The following GALM variants were observed in gnomAD, a reference collection of about 807,000 sequenced individuals.
GALM encodes aldose 1-epimerase.
Under a neutral mutation model 37.4 loss-of-function variants are expected in GALM, and 43 were observed. The observed-to-expected ratio is 1.15, with a 90% CI of 0.90 to 1.48. GALM has a LOEUF of 1.48. Among genes scored for constraint, GALM ranks in the 40% most tolerant of loss-of-function variants. GALM has a pLI of 0.00. For synonymous variants in GALM, 199 were observed against 170.6 expected, an observed-to-expected ratio of 1.17 and a Z score of -1.30; for missense variants, 456 against 419.1, an observed-to-expected ratio of 1.09 and a Z score of -0.77.
intron 1 of GALM, among the ~76,000 whole-genome samples, chr2:38,674,690 TAAG>T (rs1326592088): frequency 6.6e-6 from 1 of 152,070 alleles, no homozygotes; most frequent in East Asian, 1.9e-4. Context: ...TTTAAAAAAA[TAAG>T]AAGAGAAAGA....
chr2:38,692,456 G>C (rs750443990), intron 4 of GALM, among the ~76,000 whole-genome samples: 21 of 152,120 alleles, frequency 1.4e-4, no homozygotes, highest in Non-Finnish European at 2.4e-4. Context: ...TCCCTATGTT[G>C]CCTAGGCTGG....
chr2:38,680,120 G>A (rs931785678), intron 2 of GALM: 6 of 448,432 alleles, frequency 1.3e-5, no homozygotes, highest in African/African-American at 8.1e-5. Context: ...CTGGGCTCAA[G>A]CGATCCTCCC....
At chr2:38,671,610 C>A (rs976392060) in intron 1 of GALM, among the ~76,000 whole-genome samples, 3 of 152,138 alleles carry the variant, frequency 2.0e-5, no homozygotes, top group Admixed American at 6.6e-5. Context: ...AAAGCCAAAG[C>A]GTATCAGTAA....
At chr2:38,728,797 G>A (rs1377245982) in intron 4 of GALM, among the ~76,000 whole-genome samples, 1 of 152,148 alleles carries the variant, frequency 6.6e-6, no homozygotes, top group African/African-American at 2.4e-5. Flanking sequence ...GAGTGATTTG[G>A]CCTGCTACAG....
At chr2:38,714,018 T>TAA (rs549158028) in intron 4 of GALM, among the ~76,000 whole-genome samples, 75 of 149,416 alleles carry the variant, frequency 5.0e-4, no homozygotes, top group South Asian at 1.9e-3. Flanking sequence ...GACAACTAAA[T>TAA]AAAAAAAAAA....
chr2:38,670,465 C>G (rs13420732), intron 1 of GALM, among the ~76,000 whole-genome samples: 3,422 of 152,250 alleles, frequency 0.022, 113 homozygotes, highest in African/African-American at 0.078. Flanking sequence ...TCGCTCACGC[C>G]CAGGAGCACC....
At chr2:38,679,360 C>A (rs538395972) in intron 2 of GALM, among the ~76,000 whole-genome samples, 5 of 151,986 alleles carry the variant, frequency 3.3e-5, no homozygotes, top group African/African-American at 1.2e-4. Flanking sequence ...CCCCACCGCC[C>A]CCGACACACA....
chr2:38,689,805 C>T lies in GALM; in HGVS notation c.553-8C>T. The T allele has an allele frequency of 4.5e-6, 7 of 1,562,956 alleles. No individual in the cohort carries two copies. Among genetic ancestry groups the T allele is most frequent in the Non-Finnish European group, 6.1e-6 (7 of 1,141,302 alleles). On this transcript the variant is annotated splice_polypyrimidine_tract_variant and splice_region_variant and intron_variant, in intron 3 of 6. Coordinates refer to ENST00000272252, the MANE Select transcript of GALM (RefSeq NM_138801.3). ...GCAGAAAACCTTTCCCCTACCTTTT[C>T]CTCCCAGGCTTCCCCAAATATAAAT...
chr2:38,675,019 A>T (rs1283779266), intron 1 of GALM, among the ~76,000 whole-genome samples: 1 of 152,172 alleles, frequency 6.6e-6, no homozygotes, highest in East Asian at 1.9e-4. Flanking sequence ...TACTAAAAAT[A>T]CAAAAATTAG....
At chr2:38,678,797 T>G (rs1201284442) in intron 2 of GALM, among the ~76,000 whole-genome samples, 1 of 152,152 alleles carries the variant, frequency 6.6e-6, no homozygotes, top group Admixed American at 6.5e-5. Flanking sequence ...GGACAGATCC[T>G]GGGCTCAGAG....
At chr2:38,708,067 A>G (rs1235014252) in intron 4 of GALM, among the ~76,000 whole-genome samples, 1 of 152,010 alleles carries the variant, frequency 6.6e-6, no homozygotes, top group Non-Finnish European at 1.5e-5. Context: ...AGGTCATGCC[A>G]TTGCACTCCA....
chr2:38,683,382 C>G (rs1421168248), intron 3 of GALM, among the ~76,000 whole-genome samples: 1 of 152,116 alleles, frequency 6.6e-6, no homozygotes, highest in Non-Finnish European at 1.5e-5. Context: ...ATCCAAAATA[C>G]TTGAGGCCAG....
intron 4 of GALM, among the ~76,000 whole-genome samples, chr2:38,699,142 A>G (rs570536735): frequency 1.7e-3 from 248 of 145,856 alleles, no homozygotes; most frequent in Middle Eastern, 4.2e-3. Flanking sequence ...TCGAACTCCT[A>G]ACTTTAGGTG....
chr2:38,724,964 A>G (rs1310989462), intron 4 of GALM, among the ~76,000 whole-genome samples: 3 of 152,162 alleles, frequency 2.0e-5, no homozygotes, highest in Non-Finnish European at 4.4e-5. Flanking sequence ...CTTCACAAAA[A>G]TTTTGTAGCT....
At chr2:38,676,842 C>T (rs1206155325) in intron 2 of GALM, among the ~76,000 whole-genome samples, 1 of 152,212 alleles carries the variant, frequency 6.6e-6, no homozygotes, top group African/African-American at 2.4e-5. Context: ...GCCCAAAACA[C>T]TCATTCTTAC....
chr2:38,699,332 A>G (rs1407839470), intron 4 of GALM, among the ~76,000 whole-genome samples: 3 of 152,240 alleles, frequency 2.0e-5, no homozygotes, highest in African/African-American at 7.2e-5. Context: ...TACAATGTAT[A>G]AGGATCAAAT....
chr2:38,733,421 C>A, intron 6 of GALM, 67 bp from the exon 7 acceptor site: 1 of 1,330,726 alleles, frequency 7.5e-7, no homozygotes, highest in Non-Finnish European at 1.1e-6. Flanking sequence ...CGTCCAGAAG[C>A]ACACCCAAAT....
At chr2:38,726,957 T>A (rs1355401564) in intron 4 of GALM, among the ~76,000 whole-genome samples, 1 of 151,884 alleles carries the variant, frequency 6.6e-6, no homozygotes, top group African/African-American at 2.4e-5. Context: ...AGATCACACC[T>A]GTAATCCCAG....
At chr2:38,667,081 A>C (rs1244530745) in intron 1 of GALM, among the ~76,000 whole-genome samples, 1 of 152,208 alleles carries the variant, frequency 6.6e-6, no homozygotes, top group East Asian at 1.9e-4. Context: ...GATAGACTTT[A>C]ACTCAGTAAT....
Sources: allele counts gnomAD v4.1 joint callset (sites outside exome capture counted in the v4.1 genomes callset), GRCh38; gene constraint gnomAD v4.1.1; transcripts MANE v1.5; gene names NCBI Gene and HGNC (gene_info 2026-07-23, HGNC 2026-07-21).